Variants in TTN observed in about 807,000 individuals in gnomAD.
The protein encoded by TTN is connectin.
In TTN, 1,525 loss-of-function variants were observed where a neutral mutation model predicts 3,223.0. That is an observed-to-expected ratio of 0.47 (90% CI 0.45 to 0.49). The LOEUF (loss-of-function observed/expected upper bound fraction) is 0.49. Ranked by LOEUF, TTN falls within the 20% of genes least tolerant of loss-of-function variation. TTN has a pLI of 0.00. For synonymous variants in TTN, 14,094 were observed against 15,161.0 expected, an observed-to-expected ratio of 0.93 and a Z score of 5.17; for missense variants, 40,786 against 43,424.0, an observed-to-expected ratio of 0.94 and a Z score of 5.40.
intron 311 of TTN, among the ~76,000 whole-genome samples, 170 bp from the exon 312 acceptor site, chr2:178,584,076 T>A (rs2048372285): frequency 6.6e-6 from 1 of 152,082 alleles, no homozygotes; most frequent in Non-Finnish European, 1.5e-5. Context: ...CTGTATGCTT[T>A]AAAGGAAATT....
Position 178,684,956 on chromosome 2 carries a change from T to A in TTN, c.32504A>T (p.Lys10835Met). 6.2e-7 allele frequency: 1 copy of A among 1,608,778 alleles called. No individual in the cohort carries two copies. Among genetic ancestry groups the A allele is most frequent in the South Asian group, 1.1e-5 (1 of 90,140 alleles). The stretch of plus-strand genomic sequence containing the variant: ...TTTAGGAACTGGAGCAGGAACTTTC[T>A]TTTCTGGCACAATTTTCTTAGGTGC... ...PEAPKKIVPEKKVPAPVPKKE... is the reference protein window; with the variant it reads ...PEAPKKIVPEMKVPAPVPKKE... Residue 10835 changes from lysine to methionine, a missense_variant, in exon 130 of 363, where the codon AAG becomes ATG. Transcript: ENST00000589042.
At position 178,562,703 on chromosome 2, in the gene TTN, C is replaced by G; in HGVS notation, c.83429G>C (p.Arg27810Thr). 1 of 1,595,846 alleles carries G rather than the reference C, an allele frequency of 6.3e-7. No homozygotes were observed. The highest frequency in any genetic ancestry group is 8.5e-7 in the Non-Finnish European group (1 of 1,172,382). ...NYIVEKRETTRKAYATITNNC... is the reference protein window; with the variant it reads ...NYIVEKRETTTKAYATITNNC... ...ATTTGTAATGGTAGCATAGGCTTTT[C>G]TTGTAGTTTCTCGTTTTTCGACAAT... is the stretch of plus-strand genomic sequence containing the variant. Residue 27810 changes from arginine to threonine, a missense_variant, in exon 326 of 363, where the codon AGA becomes ACA. Arg to Thr is a moderately conservative substitution (Grantham distance 71). Coordinates refer to ENST00000589042, the MANE Select transcript of TTN (RefSeq NM_001267550.2).
At position 178,734,992 on chromosome 2, in the gene TTN, C is replaced by A. The variant is rs571164689; in HGVS notation, c.14936-4G>T. ...TTCTTCACGAAGGATGGTGGCTCTA[C>A]ATGAAGTTTACAAAAAAGAAAAAGG... is the stretch of plus-strand genomic sequence containing the variant. On this transcript the variant is annotated splice_polypyrimidine_tract_variant and splice_region_variant and intron_variant, in intron 50 of 362. Coordinates refer to ENST00000589042, the MANE Select transcript of TTN (RefSeq NM_001267550.2). 5.8e-6 allele frequency: 9 copies of A among 1,540,454 alleles called. No homozygotes were observed. The Admixed American group carries it at 1.3e-4, about 22-fold the overall frequency.
rs2049646888 is a variant in TTN at position 178,588,950 on chromosome 2, T to C, written c.62775A>G (p.Val20925=). 2 of 1,612,764 alleles carry C rather than the reference T, an allele frequency of 1.2e-6. No individual in the cohort carries two copies. The highest frequency in any genetic ancestry group is 8.5e-7 in the Non-Finnish European group (1 of 1,179,420). ...ATTCATTTCCTTCTATGAGACGTGT[T>C]ACTGTAGTACCAGGTGTCAAGACAG... ...SATVLTPGTT[V]TRLIEGNEYI... is the part of the protein sequence containing the mutation. Residue 20925 remains valine, a synonymous_variant, in exon 304 of 363, where the codon GTA becomes GTG. Coordinates refer to ENST00000589042, the MANE Select transcript of TTN (RefSeq NM_001267550.2).
intron 13 of TTN, among the ~76,000 whole-genome samples, chr2:178,788,032 T>G (rs1004380023): frequency 5.3e-5 from 8 of 152,100 alleles, no homozygotes; most frequent in African/African-American, 1.9e-4. Context: ...AACTGGAGGA[T>G]GGACTGAATC....
chr2:178,677,213 G>C lies in TTN; in HGVS notation c.34366C>G (p.Pro11456Ala). 8.2e-7 allele frequency: 1 copy of C among 1,224,714 alleles called. No individual in the cohort carries two copies. The allele number at this position is 1,224,714 out of a possible 1,614,324, so 75.9% of individuals were successfully genotyped here. A position where few individuals can be genotyped will look rare whatever the true frequency, so the allele number is the denominator to read the frequency against. ...TGGGGAGGTGTACCTTTGGGTGGTG[G>C]TGGAGGTTCCACTTTTTTAGGGGCG... The part of the protein sequence containing the change: ...VPAPKKVEPP[P>A]PPKVPEIKKK... The change falls in exon 147 of 363, where the codon CCA (proline) becomes GCA (alanine). Residue 11456 changes from proline to alanine, a missense_variant. Pro to Ala is a conservative substitution (Grantham distance 27). Transcript: ENST00000589042.
chr2:178,635,422 A>G lies in TTN; in HGVS notation c.41884+18T>C, dbSNP rs1231808239. On this transcript the variant is annotated intron_variant, in intron 227 of 362. Transcript: ENST00000589042. ...ATACGCAAAACTTATAATTTGAATA[A>G]AAGGTAAGATTTTATACCTCCAAGT... 2 of 1,602,496 alleles carry G rather than the reference A, an allele frequency of 1.2e-6. No homozygotes were observed. Among genetic ancestry groups the G allele is most frequent in the South Asian group, 1.1e-5 (1 of 88,858 alleles).
In TTN at chr2:178,712,685, A is replaced by G. The variant is rs369760020; in HGVS notation, c.27328+12T>C. ...ACTAATCGTATAAATCTAGAAGAGC[A>G]GTCTGACAAACCTTTTATGTAGAGA... On this transcript the variant is annotated intron_variant, in intron 94 of 362. Transcript: ENST00000589042. The G allele has an allele frequency of 3.7e-6, 6 of 1,610,000 alleles. No individual in the cohort carries two copies. Among genetic ancestry groups the G allele is most frequent in the Non-Finnish European group, 5.1e-6 (6 of 1,176,912 alleles).
At position 178,590,080 on chromosome 2, in the gene TTN, T is replaced by C. The variant is rs750680415; in HGVS notation, c.61645A>G (p.Ile20549Val). The C allele has an allele frequency of 1.9e-6, 3 of 1,613,038 alleles. No homozygotes were observed. The African/African-American group carries it at 4.0e-5, about 22-fold the overall frequency. The change falls in exon 304 of 363, where the codon ATC becomes GTC. Residue 20549 changes from isoleucine (I) to valine (V), a missense_variant. Physicochemically the swap from Ile to Val is conservative, Grantham distance 29. Coordinates refer to ENST00000589042, the MANE Select transcript of TTN (RefSeq NM_001267550.2). ...AVRADHGKYI[I>V]SAKNSSGHAQ... ...TGTCCACTGCTGTTCTTAGCTGAGA[T>C]GATATACTTGCCATGATCAGCTCTA...
chr2:178,599,626 T>G lies in TTN; in HGVS notation c.56275A>C (p.Thr18759Pro). Reference protein sequence around the residue: ...LVIPQSRRSDTGLYTITAVNN... With the variant: ...LVIPQSRRSDPGLYTITAVNN... ...ACAGCTGTGATGGTATATAAGCCAG[T>G]GTCACTCCTGCGAGACTGCGGAATA... Residue 18759 changes from threonine (T) to proline (P), a missense_variant, in exon 289 of 363, where the codon ACT becomes CCT. Physicochemically the swap from Thr to Pro is conservative, Grantham distance 38 (BLOSUM62 -1). Coordinates refer to ENST00000589042, the MANE Select transcript of TTN (RefSeq NM_001267550.2). 6.2e-7 allele frequency: 1 copy of G among 1,612,214 alleles called. No individual in the cohort carries two copies. The highest frequency in any genetic ancestry group is 8.5e-7 in the Non-Finnish European group (1 of 1,179,026).
rs961764109 is a variant in TTN at position 178,704,894 on chromosome 2, T to C, written c.29677A>G (p.Arg9893Gly). 1.2e-6 allele frequency: 2 copies of C among 1,613,420 alleles called. No homozygotes were observed. Among genetic ancestry groups the C allele is most frequent in the Non-Finnish European group, 1.7e-6 (2 of 1,179,772 alleles). Residue 9893 changes from arginine to glycine, a missense_variant, in exon 104 of 363, where the codon AGA becomes GGA. Arg to Gly is a moderately radical substitution (Grantham distance 125). Coordinates refer to ENST00000589042, the MANE Select transcript of TTN (RefSeq NM_001267550.2). ...CTTTTTACCTCTGTCTGTGACAGTC[T>C]TTGCTGAATAAATGATACAAGTTCC... The part of the protein sequence containing the change: ...FEELVSFIQQ[R>G]LSQTEPVTLI...
Position 178,600,910 on chromosome 2 carries a change from G to A in TTN, c.55994C>T (p.Ala18665Val). Reference protein sequence around the residue: ...YEFRVKAVNAAGVSKPSATVG... With the variant: ...YEFRVKAVNAVGVSKPSATVG... ...AGTGGCTGAAGGCTTGCTGACTCCTGCAGCATTGACAGCTTTGACTCGGAA... is the reference window on the plus strand; with the variant it reads ...AGTGGCTGAAGGCTTGCTGACTCCTACAGCATTGACAGCTTTGACTCGGAA... The change falls in exon 288 of 363, where the codon GCA (alanine) becomes GTA (valine). Residue 18665 changes from alanine to valine, a missense_variant. Ala to Val is a moderately conservative substitution (Grantham distance 64, BLOSUM62 0). Coordinates refer to ENST00000589042, the MANE Select transcript of TTN (RefSeq NM_001267550.2). 1 of 1,613,012 alleles carries A rather than the reference G, an allele frequency of 6.2e-7. No individual in the cohort carries two copies. Among genetic ancestry groups the A allele is most frequent in the Non-Finnish European group, 8.5e-7 (1 of 1,179,272 alleles).
In TTN at chr2:178,532,153, A is replaced by G. The variant is rs2154134089; in HGVS notation, c.104462T>C (p.Ile34821Thr). ...EITEIEEEYEISKHAQRESSS... is the reference protein window; with the variant it reads ...EITEIEEEYETSKHAQRESSS... Reference sequence around the variant, plus strand: ...TGATTCTCTTTGAGCATGTTTTGAGATTTCGTATTCTTCCTCAATTTCTGT... The same window carrying G: ...TGATTCTCTTTGAGCATGTTTTGAGGTTTCGTATTCTTCCTCAATTTCTGT... Residue 34821 changes from isoleucine to threonine, a missense_variant, in exon 358 of 363, where the codon ATC becomes ACC. By Grantham distance (89) the Ile-to-Thr change is moderately conservative. Coordinates refer to ENST00000589042, the MANE Select transcript of TTN (RefSeq NM_001267550.2). 1 of 1,613,726 alleles carries G rather than the reference A, an allele frequency of 6.2e-7. No homozygotes were observed. The highest frequency in any genetic ancestry group is 2.2e-5 in the East Asian group (1 of 44,874).
chr2:178,694,625 A>T lies in TTN; in HGVS notation c.31400T>A (p.Val10467Glu), dbSNP rs1332370578. 1 of 1,560,140 alleles carries T rather than the reference A, an allele frequency of 6.4e-7. No homozygotes were observed. Among genetic ancestry groups the T allele is most frequent in the Non-Finnish European group, 8.7e-7 (1 of 1,150,592 alleles). The change falls in exon 117 of 363, where the codon GTA (valine) becomes GAA (glutamate). Residue 10467 changes from valine (V) to glutamate (E), a missense_variant. Val to Glu is a moderately radical substitution (Grantham distance 121, BLOSUM62 -2). Coordinates refer to ENST00000589042, the MANE Select transcript of TTN (RefSeq NM_001267550.2). ...IVPQKPSRTP[V>E]QEEVIEVKVP... is the part of the protein sequence containing the mutation. ...TTTCACTTCAATAACTTCTTCCTGT[A>T]CTGGAGTCCGGGAAGGTTTTTGTGG...
intron 46 of TTN, among the ~76,000 whole-genome samples, chr2:178,754,879 G>T (rs937770127): frequency 6.6e-6 from 1 of 152,120 alleles, no homozygotes; most frequent in East Asian, 1.9e-4. Flanking sequence ...TAGGTGTTGC[G>T]GATACATTAT....
chr2:178,679,782 C>G, intron 140 of TTN, 100 bp from the exon 141 acceptor site: 1 of 1,545,924 alleles, frequency 6.5e-7, no homozygotes, highest in Non-Finnish European at 8.8e-7. Context: ...AAAATATCTG[C>G]TTTAAAGTAA....
In TTN at chr2:178,612,382, G is replaced by C. The variant is rs1181230555; in HGVS notation, c.50143C>G (p.Leu16715Val). 6 of 1,612,444 alleles carry C rather than the reference G, an allele frequency of 3.7e-6. No homozygotes were observed. In the African/African-American group the frequency reaches 8.0e-5, roughly 22 times the overall value. The change falls in exon 266 of 363, where the codon CTG becomes GTG. Residue 16715 changes from leucine (L) to valine (V), a missense_variant. Transcript: ENST00000589042. ...VKDTKCTVTP[L>V]TEGSLYVFRV... ...AACACATATAAAGAGCCCTCAGTCA[G>C]TGGGGTGACTGTGCACTTGGTGTCC... is the stretch of plus-strand genomic sequence containing the variant.
chr2:178,586,933 A>G lies in TTN; in HGVS notation c.64094-126T>C, dbSNP rs1007025. On this transcript the variant is annotated intron_variant, in intron 307 of 362. Transcript: ENST00000589042. ...ATAGAACCTGTAGTTCAGTACATTA[A>G]AAGCAAAACATATAAGATGAGACAG... is the stretch of plus-strand genomic sequence containing the variant. 225,792 of 1,381,538 alleles carry G rather than the reference A, an allele frequency of 0.16. 21,243 individuals are homozygous for G. The highest frequency in any genetic ancestry group is 0.44 in the East Asian group (19,061 of 43,230). The allele number at this position is 1,381,538 out of a possible 1,614,324, so 85.6% of individuals were successfully genotyped here.
At position 178,608,142 on chromosome 2, in the gene TTN, T is replaced by G. The variant is rs2055374169; in HGVS notation, c.52705+36A>C. 3.7e-6 allele frequency: 6 copies of G among 1,602,006 alleles called. No homozygotes were observed. The South Asian group carries it at 6.7e-5, about 18-fold the overall frequency. ...GATGGTTTTAAAATGTACAATAGCT[T>G]GTTCTACTCCACCTTCTTCTTAAGG... On this transcript the variant is annotated intron_variant, in intron 275 of 362. Transcript: ENST00000589042.
Sources: allele counts gnomAD v4.1 joint callset (sites outside exome capture counted in the v4.1 genomes callset), GRCh38; gene constraint gnomAD v4.1.1; transcripts MANE v1.5; gene names NCBI Gene and HGNC (gene_info 2026-07-23, HGNC 2026-07-21).